RERE: variants seen among roughly 807,000 people sequenced by gnomAD.
RERE encodes the protein arginine-glutamic acid dipeptide repeats.
Under a neutral mutation model 146.1 loss-of-function variants are expected in RERE, and 40 were observed. The ratio of observed to expected loss-of-function variants is 0.27; its 90% CI spans 0.21 to 0.36. The LOEUF (loss-of-function observed/expected upper bound fraction) is 0.36, where lower values mean the gene tolerates loss of function less well. RERE is among the 10% of genes least tolerant of loss of function. The pLI is 1.00. For missense variants in RERE, 1,933 were observed against 2,138.7 expected (o/e 0.90, Z 1.90); for synonymous variants, 1,003 against 866.0 (o/e 1.16, Z -2.78).
chr1:8,547,675 A>G (rs943006717), intron 6 of RERE, among the ~76,000 whole-genome samples: 1 of 152,258 alleles, frequency 6.6e-6, no homozygotes, highest in East Asian at 1.9e-4. Context: ...AAACATGGAG[A>G]TAACACTTCT....
chr1:8,449,667 C>T (rs1020046601), intron 11 of RERE, among the ~76,000 whole-genome samples: 10 of 152,230 alleles, frequency 6.6e-5, no homozygotes, highest in African/African-American at 2.2e-4. Flanking sequence ...TCTTTCCTTT[C>T]AGCTAAATTT....
rs148648967 is a variant in RERE, at chr1:8,610,048, G to GCTCA, written c.522+4512_522+4513insTGAG. Among the ~76,000 whole-genome samples the GCTCA allele has an allele frequency of 2.2e-3, 341 of 152,236 alleles. 6 individuals carry two copies. The East Asian group carries it at 0.047, about 21-fold the overall frequency. On this transcript the variant is annotated intron_variant, in intron 4 of 22. Transcript: ENST00000400908. ...CCTCCCAAACTGCTGGGGATTACAG[G>GCTCA]CGTGAGCCATCATGCCCGGGCTGAT...
At chr1:8,574,006 A>T (rs1483871570) in intron 4 of RERE, among the ~76,000 whole-genome samples, 2 of 151,800 alleles carry the variant, frequency 1.3e-5, no homozygotes, top group Non-Finnish European at 2.9e-5. Context: ...GGGTTTCACC[A>T]TGTTGCCCAG....
intron 4 of RERE, 77 bp downstream of exon 4, chr1:8,614,484 G>T (rs1486772036): frequency 2.8e-6 from 4 of 1,416,676 alleles, no homozygotes; most frequent in Non-Finnish European, 2.9e-6. Context: ...GGGCTCTGGG[G>T]AGGGAGGTAA....
chr1:8,558,857 G>A (rs1382108758), intron 4 of RERE, among the ~76,000 whole-genome samples: 1 of 148,442 alleles, frequency 6.7e-6, no homozygotes, highest in African/African-American at 2.5e-5. Flanking sequence ...GTGCAGTGGC[G>A]TGATCTCGGC....
At chr1:8,598,876 C>T (rs1380850093) in intron 4 of RERE, among the ~76,000 whole-genome samples, 1 of 152,210 alleles carries the variant, frequency 6.6e-6, no homozygotes, top group Non-Finnish European at 1.5e-5. Flanking sequence ...ATGAACAGTA[C>T]TGTCTCCACC....
chr1:8,811,735 C>T (rs1437790176), intron 1 of RERE, among the ~76,000 whole-genome samples: 1 of 152,206 alleles, frequency 6.6e-6, no homozygotes, highest in Non-Finnish European at 1.5e-5. Context: ...AGGAGCTCTG[C>T]CCTGCTGCTG....
chr1:8,585,207 G>A (rs190249500), intron 4 of RERE, among the ~76,000 whole-genome samples: 3 of 151,606 alleles, frequency 2.0e-5, no homozygotes, highest in African/African-American at 4.8e-5. Context: ...TTGTGTCCTT[G>A]AGAACCAGAA....
chr1:8,537,424 C>T (rs1645742058), intron 7 of RERE, among the ~76,000 whole-genome samples: 1 of 152,096 alleles, frequency 6.6e-6, no homozygotes, highest in African/African-American at 2.4e-5. Flanking sequence ...AAAACTTACA[C>T]AAACTCACAC....
intron 12 of RERE, among the ~76,000 whole-genome samples, chr1:8,366,645 G>GA (rs1641813501): frequency 6.6e-6 from 1 of 152,184 alleles, no homozygotes; most frequent in Non-Finnish European, 1.5e-5. Flanking sequence ...GCTTGGCAAA[G>GA]AAAGACTACA....
At chr1:8,394,732 T>C (rs2708629) in intron 12 of RERE, among the ~76,000 whole-genome samples, 67,895 of 151,974 alleles carry the variant, frequency 0.45, 16,788 homozygotes, top group East Asian at 0.86. Context: ...AGAAGACTGT[T>C]ACCCCAAGGA....
At chr1:8,378,058 T>C (rs1466433397) in intron 12 of RERE, among the ~76,000 whole-genome samples, 2 of 152,238 alleles carry the variant, frequency 1.3e-5, no homozygotes, top group Non-Finnish European at 2.9e-5. Context: ...TTTCTGCAAG[T>C]TGAATTTTAA....
At chr1:8,644,857 A>G (rs966883040) in intron 2 of RERE, among the ~76,000 whole-genome samples, 1 of 152,244 alleles carries the variant, frequency 6.6e-6, no homozygotes, top group Non-Finnish European at 1.5e-5. Context: ...AGGAGAAAAG[A>G]GAAAAAGAGC....
chr1:8,636,106 A>G (rs1647099238), intron 2 of RERE, among the ~76,000 whole-genome samples: 1 of 152,168 alleles, frequency 6.6e-6, no homozygotes, highest in African/African-American at 2.4e-5. Context: ...CTCGTGCCTC[A>G]GTCTCCCAAG....
chr1:8,806,792 A>G (rs573178659), intron 1 of RERE: 14 of 151,746 alleles, frequency 9.2e-5, no homozygotes, highest in African/African-American at 3.1e-4. Flanking sequence ...CAAGTTCATC[A>G]CTCCCCTGCT....
intron 10 of RERE, among the ~76,000 whole-genome samples, chr1:8,492,044 T>A (rs1249809758): frequency 6.6e-6 from 1 of 152,166 alleles, no homozygotes; most frequent in African/African-American, 2.4e-5. Flanking sequence ...GCAACTGAAG[T>A]TTTCGGAGTC....
chr1:8,793,157 C>CAAA (rs1015889392), intron 1 of RERE, among the ~76,000 whole-genome samples: 9 of 49,292 alleles, frequency 1.8e-4, no homozygotes, highest in Admixed American at 1.1e-3. Context: ...ACTCCATCTC[C>CAAA]AAAAAAAAAA....
At chr1:8,509,132 T>C (rs1056113962) in intron 7 of RERE, among the ~76,000 whole-genome samples, 1 of 152,034 alleles carries the variant, frequency 6.6e-6, no homozygotes, top group South Asian at 2.1e-4. Context: ...TTTTAATAAT[T>C]TGGGTTTTCA....
rs988519110 is a variant in RERE at position 8,352,472 on chromosome 1, G to A, written c.*2615C>T. The A allele has an allele frequency of 1.3e-5, 2 of 152,418 alleles. No homozygotes were observed. The highest frequency in any genetic ancestry group is 2.1e-4 in the South Asian group (1 of 4,828). The allele number at this position is 152,418 out of a possible 1,614,324, so 9.4% of individuals were successfully genotyped here. A position where few individuals can be genotyped will look rare whatever the true frequency, so the allele number is the denominator to read the frequency against. On this transcript the variant is annotated 3_prime_UTR_variant, in exon 23 of 23. Transcript: ENST00000400908. The stretch of plus-strand genomic sequence containing the variant: ...AAAAATTACAAAATACTCAAATGGA[G>A]AGAACACAGAAGTCACGATTTCTGG...
Sources: allele counts gnomAD v4.1 joint callset (sites outside exome capture counted in the v4.1 genomes callset), GRCh38; gene constraint gnomAD v4.1.1; transcripts MANE v1.5; gene names NCBI Gene and HGNC (gene_info 2026-07-23, HGNC 2026-07-21).